Variants in HUNK observed in about 807,000 individuals in gnomAD.
HUNK encodes hormonally up-regulated neu tumor-associated kinase.
HUNK carries 21 observed loss-of-function variants against 61.0 expected under a neutral mutation model. The ratio of observed to expected loss-of-function variants is 0.34; its 90% CI spans 0.24 to 0.50. HUNK has a LOEUF of 0.50. Among genes scored for constraint, HUNK ranks in the 20% least tolerant of loss-of-function variants. The pLI is 0.98. For synonymous variants in HUNK, 371 were observed against 386.1 expected (o/e 0.96, Z 0.46); for missense variants, 772 against 945.7 (o/e 0.82, Z 2.41).
intron 1 of HUNK, among the ~76,000 whole-genome samples, chr21:31,910,485 A>G (rs1382021218): frequency 7.0e-6 from 1 of 143,606 alleles, no homozygotes; most frequent in African/African-American, 2.7e-5. Flanking sequence ...TGGTTTCAGG[A>G]TATCCTTTTT....
chr21:31,958,906 G>T lies in HUNK; in HGVS notation c.810G>T (p.Leu270=). The T allele has an allele frequency of 6.2e-7, 1 of 1,611,264 alleles. No homozygotes were observed. Among genetic ancestry groups the T allele is most frequent in the Non-Finnish European group, 8.5e-7 (1 of 1,179,080 alleles). The change falls in exon 5 of 11, where the codon CTG becomes CTT. Residue 270 remains leucine, a synonymous_variant. Coordinates refer to ENST00000270112, the MANE Select transcript of HUNK (RefSeq NM_014586.2). ...TLPFTVEPFS[L]RALYQKMVDK... is the part of the protein sequence containing the mutation. ...CTTTCACGGTGGAGCCTTTCAGCCT[G>T]AGGGCTTTGTACCAGAAGATGGTAG...
intron 2 of HUNK, among the ~76,000 whole-genome samples, chr21:31,937,326 G>A (rs1052633486): frequency 6.6e-5 from 10 of 152,114 alleles, no homozygotes; most frequent in African/African-American, 2.4e-4. Context: ...ATCACTCGAG[G>A]AACCCAGTAG....
intron 1 of HUNK, among the ~76,000 whole-genome samples, chr21:31,895,147 T>A (rs1431860141): frequency 6.6e-6 from 1 of 152,160 alleles, no homozygotes; most frequent in Non-Finnish European, 1.5e-5. Flanking sequence ...AAATTCAGTG[T>A]GTTTATGTCA....
chr21:31,938,284 ACCTTC>A (rs1187194595), intron 2 of HUNK, among the ~76,000 whole-genome samples: 4 of 151,988 alleles, frequency 2.6e-5, no homozygotes, highest in Non-Finnish European at 5.9e-5. Context: ...CTCTGCCCTC[ACCTTC>A]ACAATCTCAC....
In HUNK at chr21:31,873,348, C is replaced by G. The variant is rs2052228748; in HGVS notation, c.-327C>G. ...CGGACCGCGCCCCACCCCGCGCGCCCGAGCAGGGCGACTGTCATTAGCTTC... is the reference window on the plus strand; with the variant it reads ...CGGACCGCGCCCCACCCCGCGCGCCGGAGCAGGGCGACTGTCATTAGCTTC... On this transcript the variant is annotated 5_prime_UTR_variant, in exon 1 of 11. Transcript: ENST00000270112. The surrounding 1 kb of genome is among the most constrained non-coding windows in gnomAD (Gnocchi z 6.1). 2 of 151,864 alleles carry G rather than the reference C, an allele frequency of 1.3e-5. No homozygotes were observed. Among genetic ancestry groups the G allele is most frequent in the Admixed American group, 6.6e-5 (1 of 15,250 alleles). The allele number at this position is 151,864 out of a possible 1,614,324, so 9.4% of individuals were successfully genotyped here.
At chr21:31,896,728 G>A (rs2052427438) in intron 1 of HUNK, among the ~76,000 whole-genome samples, 1 of 152,188 alleles carries the variant, frequency 6.6e-6, no homozygotes, top group Admixed American at 6.5e-5. Flanking sequence ...AAATTATTAG[G>A]ATGGTCCATA....
intron 9 of HUNK, among the ~76,000 whole-genome samples, chr21:31,991,068 A>C: frequency 6.6e-6 from 1 of 152,214 alleles, no homozygotes; most frequent in South Asian, 2.1e-4. Flanking sequence ...CCTTTAGATC[A>C]CATTGGTTCT....
At chr21:31,945,677 G>A (rs1470143140) in intron 3 of HUNK, among the ~76,000 whole-genome samples, 1 of 152,058 alleles carries the variant, frequency 6.6e-6, no homozygotes, top group African/African-American at 2.4e-5. Context: ...CCCTCTGCTT[G>A]TTCTTTCTTC....
At chr21:31,882,994 T>G (rs147569350) in intron 1 of HUNK, among the ~76,000 whole-genome samples, 2 of 152,140 alleles carry the variant, frequency 1.3e-5, no homozygotes, top group Non-Finnish European at 2.9e-5. Flanking sequence ...CCATCCCTTG[T>G]TGATGGACAT....
rs926338471 is a variant in HUNK, at chr21:31,873,636, G to T, written c.-39G>T. 9.3e-5 allele frequency: 91 copies of T among 975,708 alleles called. No individual in the cohort carries two copies. Among genetic ancestry groups the T allele is most frequent in the Admixed American group, 1.4e-4 (2 of 14,778 alleles). The allele number at this position is 975,708 out of a possible 1,614,324, so 60.4% of individuals were successfully genotyped here. A position where few individuals can be genotyped will look rare whatever the true frequency, so the allele number is the denominator to read the frequency against. ...CCTGGGGAGGAGGAGCTGCGAGCGC[G>T]GGAGACGAGCAGGAGCCGCGCGGGC... On this transcript the variant is annotated 5_prime_UTR_variant, in exon 1 of 11. Coordinates refer to ENST00000270112, the MANE Select transcript of HUNK (RefSeq NM_014586.2). The surrounding 1 kb of genome is among the most constrained non-coding windows in gnomAD (Gnocchi z 6.1).
At chr21:31,953,406 G>A (rs902997005) in intron 4 of HUNK, among the ~76,000 whole-genome samples, 2 of 152,116 alleles carry the variant, frequency 1.3e-5, no homozygotes, top group African/African-American at 2.4e-5. Context: ...AGCTCATTAT[G>A]TATTTTTAGT....
At chr21:31,948,283 T>C (rs1262157231) in intron 4 of HUNK, among the ~76,000 whole-genome samples, 1 of 152,214 alleles carries the variant, frequency 6.6e-6, no homozygotes, top group African/African-American at 2.4e-5. Context: ...CTGGCATTGT[T>C]TCCTATTCCC....
rs201574800 is a variant in HUNK at position 31,924,445 on chromosome 21, G to C, written c.262-23G>C. 25 of 1,602,996 alleles carry C rather than the reference G, an allele frequency of 1.6e-5. No homozygotes were observed. In the African/African-American group the frequency reaches 3.1e-4, roughly 20 times the overall value. On this transcript the variant is annotated intron_variant, in intron 1 of 10. Coordinates refer to ENST00000270112, the MANE Select transcript of HUNK (RefSeq NM_014586.2). The surrounding 1 kb of genome is among the most constrained non-coding windows in gnomAD (Gnocchi z 5.1). The stretch of plus-strand genomic sequence containing the variant: ...TATTGTCTGTAATGTCTGATAACAG[G>C]CATGTTCTTGTTTTCTCCTTAGGTG...
chr21:31,958,859 G>T lies in HUNK; in HGVS notation c.763G>T (p.Ala255Ser), dbSNP rs1209633253. ...TCTTTTCAGAGGTGTGAACATGTAT[G>T]CCATGTTGACCGGGACGCTGCCTTT... The part of the protein sequence containing the change: ...DVWSIGVNMY[A>S]MLTGTLPFTV... The change falls in exon 5 of 11, where the codon GCC becomes TCC. Residue 255 changes from alanine (A) to serine (S), a missense_variant. Ala to Ser is a moderately conservative substitution (Grantham distance 99). Around this residue, in one of 2 missense-constraint regions of HUNK, gnomAD observed 359 missense variants for 501.3 expected, o/e 0.72. Transcript: ENST00000270112. 3.1e-6 allele frequency: 5 copies of T among 1,605,668 alleles called. No homozygotes were observed. Among genetic ancestry groups the T allele is most frequent in the Non-Finnish European group, 4.3e-6 (5 of 1,176,404 alleles).
intron 4 of HUNK, among the ~76,000 whole-genome samples, chr21:31,954,998 G>C (rs1472499953): frequency 6.6e-6 from 1 of 151,988 alleles, no homozygotes; most frequent in African/African-American, 2.4e-5. Context: ...GCCCGCCCAG[G>C]CTGATCTCGA....
intron 1 of HUNK, among the ~76,000 whole-genome samples, chr21:31,918,902 G>A (rs1275210236): frequency 1.3e-5 from 2 of 152,262 alleles, no homozygotes; most frequent in South Asian, 2.1e-4. Context: ...CCTGCTTCAC[G>A]GAAGGCCTTG....
At chr21:31,916,707 T>C (rs1346459149) in intron 1 of HUNK, among the ~76,000 whole-genome samples, 1 of 151,192 alleles carries the variant, frequency 6.6e-6, no homozygotes, top group Admixed American at 6.6e-5. Flanking sequence ...GATGGAGTCT[T>C]GCTCTGTCAC....
At chr21:31,993,001 A>G (rs1372127512) in intron 9 of HUNK, among the ~76,000 whole-genome samples, 1 of 152,168 alleles carries the variant, frequency 6.6e-6, no homozygotes. Flanking sequence ...GGAGAAGGAT[A>G]TGCTAGGGGT....
chr21:31,968,452 T>A (rs528598587), intron 6 of HUNK, 67 bp downstream of exon 6: 2 of 1,580,172 alleles, frequency 1.3e-6, no homozygotes, highest in African/African-American at 2.7e-5. Flanking sequence ...CCTGAGCAGT[T>A]CCGGACAGAA....
Sources: gnomAD v4.1 joint callset for allele counts (sites outside exome capture counted in the v4.1 genomes callset) on GRCh38, gnomAD v4.1.1 for gene constraint, gnomAD v4.1.1 regional missense constraint, Gnocchi (gnomAD v3.1) non-coding constraint, MANE v1.5 for transcripts, NCBI Gene and HGNC (gene_info 2026-07-23, HGNC 2026-07-21) for gene names.